CEP112: variants seen among roughly 807,000 people sequenced by gnomAD.
CEP112 encodes the protein centrosomal protein of 112 kDa.
A neutral mutation model predicts 153.0 loss-of-function variants in CEP112; 127 were observed. That is an observed-to-expected ratio of 0.83 (90% CI 0.72 to 0.96). CEP112 has a LOEUF of 0.96. Ranked by LOEUF, CEP112 falls within the 40% of genes least tolerant of loss-of-function variation. The pLI is 0.00. For missense variants in CEP112, 1,089 were observed against 1,101.2 expected (o/e 0.99, Z 0.16); for synonymous variants, 358 against 374.4 (o/e 0.96, Z 0.51).
At chr17:65,666,234 C>A (rs1170056272) in intron 24 of CEP112, among the ~76,000 whole-genome samples, 2 of 152,242 alleles carry the variant, frequency 1.3e-5, no homozygotes, top group Non-Finnish European at 2.9e-5. Context: ...AATAATAAAA[C>A]ACACACATGC....
chr17:66,137,615 G>A (rs554752073), intron 4 of CEP112, among the ~76,000 whole-genome samples: 3 of 152,090 alleles, frequency 2.0e-5, no homozygotes, highest in Admixed American at 6.5e-5. Flanking sequence ...AACTGTAAAA[G>A]GATTTTTCAA....
intron 21 of CEP112, among the ~76,000 whole-genome samples, chr17:65,839,469 T>TA (rs2057436478): frequency 1.6e-5 from 2 of 123,026 alleles, no homozygotes. Context: ...CCCTTTATGA[T>TA]TAAAAAAAAA....
intron 19 of CEP112, among the ~76,000 whole-genome samples, chr17:65,921,844 T>A (rs549100662): frequency 3.3e-5 from 5 of 152,326 alleles, no homozygotes; most frequent in African/African-American, 9.6e-5. Flanking sequence ...AATCTATCAT[T>A]CTGAGAAAAG....
chr17:65,829,122 T>C (rs77546763), intron 21 of CEP112, among the ~76,000 whole-genome samples: 293 of 152,318 alleles, frequency 1.9e-3, no homozygotes, highest in African/African-American at 7.0e-3. Flanking sequence ...TTTCAATATA[T>C]TAAAAAATAG....
intron 23 of CEP112, among the ~76,000 whole-genome samples, chr17:65,696,792 A>G (rs1410671493): frequency 3.3e-5 from 5 of 152,148 alleles, no homozygotes; most frequent in Non-Finnish European, 7.3e-5. Flanking sequence ...AAGCTTCCGT[A>G]ATAAAAAGTC....
intron 20 of CEP112, among the ~76,000 whole-genome samples, chr17:65,863,247 T>C (rs1441579646): frequency 6.6e-6 from 1 of 152,218 alleles, no homozygotes; most frequent in African/African-American, 2.4e-5. Flanking sequence ...TTTTCTTTCA[T>C]TTTATAAACA....
intron 3 of CEP112, among the ~76,000 whole-genome samples, chr17:66,176,117 TAAGTA>T (rs1482643524): frequency 6.6e-6 from 1 of 152,244 alleles, no homozygotes; most frequent in East Asian, 1.9e-4. Flanking sequence ...AATTGTGCTT[TAAGTA>T]AACTAATAAA....
At chr17:65,901,679 A>G (rs2143538015) in intron 20 of CEP112, among the ~76,000 whole-genome samples, 1 of 152,232 alleles carries the variant, frequency 6.6e-6, no homozygotes, top group Non-Finnish European at 1.5e-5. Flanking sequence ...ATCAATTACC[A>G]TCTGAGTGAT....
At chr17:66,164,157 G>A (rs1179275926) in intron 4 of CEP112, among the ~76,000 whole-genome samples, 1 of 152,184 alleles carries the variant, frequency 6.6e-6, no homozygotes. Context: ...ATTTTATTGT[G>A]TACTCTAACA....
chr17:66,044,760 T>C (rs1416142672), intron 12 of CEP112, among the ~76,000 whole-genome samples: 8 of 152,120 alleles, frequency 5.3e-5, no homozygotes, highest in Admixed American at 6.6e-5. Flanking sequence ...ATGACAAAAT[T>C]TGGAGCTGGA....
At chr17:65,716,068 C>G (rs753605329) in intron 23 of CEP112, among the ~76,000 whole-genome samples, 3 of 152,122 alleles carry the variant, frequency 2.0e-5, no homozygotes, top group Non-Finnish European at 2.9e-5. Context: ...TTATACCAAA[C>G]CGAGCACTGG....
At chr17:65,957,606 T>C (rs1222371681) in intron 18 of CEP112, among the ~76,000 whole-genome samples, 1 of 152,144 alleles carries the variant, frequency 6.6e-6, no homozygotes, top group Non-Finnish European at 1.5e-5. Context: ...GTTTTATAAA[T>C]AGTATATTTA....
chr17:65,677,957 T>C (rs2047317396), intron 24 of CEP112, among the ~76,000 whole-genome samples: 1 of 152,166 alleles, frequency 6.6e-6, no homozygotes, highest in African/African-American at 2.4e-5. Context: ...TTTTCATTTG[T>C]TTGCCAATAA....
chr17:65,844,939 G>A (rs1041095872), intron 21 of CEP112, among the ~76,000 whole-genome samples: 1 of 151,108 alleles, frequency 6.6e-6, no homozygotes, highest in Non-Finnish European at 1.5e-5. Context: ...CTTGAACCTG[G>A]GAGGCAGAGG....
chr17:65,984,902 C>G (rs1225295665), intron 17 of CEP112, among the ~76,000 whole-genome samples: 1 of 151,832 alleles, frequency 6.6e-6, no homozygotes, highest in African/African-American at 2.4e-5. Flanking sequence ...ATGACGAAAA[C>G]CAAAAGAATG....
At chr17:65,855,296 G>C (rs570594455) in intron 20 of CEP112, among the ~76,000 whole-genome samples, 1 of 152,294 alleles carries the variant, frequency 6.6e-6, no homozygotes, top group South Asian at 2.1e-4. Context: ...TCAACATAGT[G>C]TTGACATCAG....
At chr17:66,053,308 T>A (rs2066522335) in intron 12 of CEP112, among the ~76,000 whole-genome samples, 2 of 151,972 alleles carry the variant, frequency 1.3e-5, no homozygotes, top group South Asian at 4.2e-4. Context: ...GAGACCAGCC[T>A]GGCCAACATG....
At chr17:65,909,928 T>C (rs369517454) in intron 19 of CEP112, among the ~76,000 whole-genome samples, 14 of 152,234 alleles carry the variant, frequency 9.2e-5, no homozygotes, top group South Asian at 4.1e-4. Flanking sequence ...ATCATTCACT[T>C]TTCCCCCTTC....
At position 66,172,028 on chromosome 17, in the gene CEP112, CT is replaced by C. The variant is rs1333729010; in HGVS notation, c.470+3015del. ...GAAATGTTAAAAAGAAAAAAAAATC[CT>C]TTTAGGCCATTTCCTCTGTCACAAT... On this transcript the variant is annotated intron_variant, in intron 4 of 26. Transcript: ENST00000535342. 2.0e-5 allele frequency among the ~76,000 whole-genome samples: 3 copies of C among 152,168 alleles called. No homozygotes were observed. In the East Asian group the frequency reaches 5.8e-4, roughly 29 times the overall value.
Sources: gnomAD v4.1 joint callset for allele counts (sites outside exome capture counted in the v4.1 genomes callset) on GRCh38, gnomAD v4.1.1 for gene constraint, MANE v1.5 for transcripts, NCBI Gene and HGNC (gene_info 2026-07-23, HGNC 2026-07-21) for gene names.